RBFOX1: variants seen among roughly 807,000 people sequenced by gnomAD.
RBFOX1 encodes the protein RNA binding protein fox-1 homolog 1.
RBFOX1 carries 8 observed loss-of-function variants against 57.7 expected under a neutral mutation model. That is an observed-to-expected ratio of 0.14 (90% CI 0.08 to 0.25). RBFOX1 has a LOEUF of 0.25. Among genes scored for constraint, RBFOX1 ranks in the 10% least tolerant of loss-of-function variants. The probability of loss-of-function intolerance (pLI) is 1.00; values close to 1 mark genes in which losing one functional copy is unlikely to be tolerated. For synonymous variants in RBFOX1, 326 were observed against 222.4 expected (o/e 1.47, Z -4.15); for missense variants, 611 against 548.5 (o/e 1.11, Z -1.14).
chr16:6,239,340 C>T (rs975222761), intron 1 of RBFOX1, among the ~76,000 whole-genome samples: 2 of 152,054 alleles, frequency 1.3e-5, no homozygotes, highest in Non-Finnish European at 2.9e-5. Context: ...GAAGGGACCA[C>T]AGTGTCCAAG....
At chr16:6,286,593 T>C (rs747167337) in intron 1 of RBFOX1, among the ~76,000 whole-genome samples, 92 of 152,200 alleles carry the variant, frequency 6.0e-4, no homozygotes, top group Non-Finnish European at 1.2e-3. Context: ...TTAATAAGTG[T>C]GGTTGTTACT....
At chr16:5,676,254 A>G (rs2050166598) in intron 3 of RBFOX1, among the ~76,000 whole-genome samples, 1 of 103,852 alleles carries the variant, frequency 9.6e-6, no homozygotes, top group African/African-American at 4.8e-5. Flanking sequence ...AAGTGAAATA[A>G]AAAAAAAAAA....
intron 4 of RBFOX1, among the ~76,000 whole-genome samples, chr16:7,182,430 A>G (rs1190208024): frequency 6.6e-6 from 1 of 152,132 alleles, no homozygotes; most frequent in Non-Finnish European, 1.5e-5. Context: ...TCTTGGCTCG[A>G]AAGTTCTTAG....
In RBFOX1 at chr16:7,710,843, CTAAAAAAAAAAAAA is replaced by C; in HGVS notation, c.*99_*112del. On this transcript the variant is annotated 3_prime_UTR_variant, in exon 16 of 16. Coordinates refer to ENST00000550418, the MANE Select transcript of RBFOX1 (RefSeq NM_018723.4). ...GCAGTAGTACATCATTTTAGCAACT[CTAAAAAAAAAAAAA>C]ATACAAATAAAAAGGAAAAAAAATT... 1.3e-6 allele frequency: 1 copy of C among 759,038 alleles called. No individual in the cohort carries two copies. 47.0% of individuals were successfully genotyped at this position (759,038 alleles called of 1,614,324 possible).
intron 3 of RBFOX1, among the ~76,000 whole-genome samples, chr16:6,808,094 C>CTAGATATATATAGGA (rs1284028994): frequency 6.8e-6 from 1 of 146,200 alleles, no homozygotes; most frequent in Non-Finnish European, 1.5e-5. Flanking sequence ...CTCAATAGAA[C>CTAGATATATATAGGA]TAGATATATA....
chr16:5,999,130 A>G (rs1049958094), intron 4 of RBFOX1, among the ~76,000 whole-genome samples: 4 of 152,308 alleles, frequency 2.6e-5, no homozygotes, highest in Middle Eastern at 3.4e-3. Flanking sequence ...ATTAGTGGAA[A>G]CTTTCTGAAC....
intron 1 of RBFOX1, among the ~76,000 whole-genome samples, chr16:6,168,690 C>T (rs2096935787): frequency 6.6e-6 from 1 of 152,120 alleles, no homozygotes; most frequent in Admixed American, 6.6e-5. Context: ...TCTGCCACTC[C>T]TGGGGGAGGG....
Position 5,589,203 on chromosome 16 carries a change from C to G in RBFOX1, c.259-9699C>G, listed in dbSNP as rs138421936. Among the ~76,000 whole-genome samples the G allele has an allele frequency of 5.1e-3, 780 of 152,204 alleles. 6 individuals carry two copies. Among genetic ancestry groups the G allele is most frequent in the Middle Eastern group, 0.01 (3 of 294 alleles). ...GCCCCTATCTGCACTTGGCCACATC[C>G]CTGGTGGGTTTGTGGGGCGGTGGTG... On this transcript the variant is annotated intron_variant, in intron 2 of 2. Coordinates refer to the RBFOX1 transcript ENST00000585867.
At chr16:5,566,824 C>G (rs932865386) in intron 2 of RBFOX1, among the ~76,000 whole-genome samples, 1 of 151,976 alleles carries the variant, frequency 6.6e-6, no homozygotes, top group Non-Finnish European at 1.5e-5. Context: ...ACAGACACAC[C>G]GCATCGACTC....
Position 5,772,066 on chromosome 16 carries a change from G to A in RBFOX1, c.319-95237G>A, listed in dbSNP as rs1452995831. ...ACATGCCTGTAATCCCAGCTATTCA[G>A]GAGGCTGAGTCAGGAGAATCACTTG... On this transcript the variant is annotated intron_variant, in intron 3 of 19. Transcript: ENST00000641259. Among the ~76,000 whole-genome samples the A allele has an allele frequency of 3.9e-5, 6 of 152,170 alleles. No individual in the cohort carries two copies. The East Asian group carries it at 9.6e-4, about 24-fold the overall frequency.
At chr16:5,451,515 G>A (rs2151566512) in intron 1 of RBFOX1, among the ~76,000 whole-genome samples, 1 of 152,340 alleles carries the variant, frequency 6.6e-6, no homozygotes, top group Admixed American at 6.5e-5. Flanking sequence ...ACTAGGTGCA[G>A]GAACTTCAGA....
At chr16:6,826,333 G>A (rs1468821001) in intron 3 of RBFOX1, among the ~76,000 whole-genome samples, 1 of 152,072 alleles carries the variant, frequency 6.6e-6, no homozygotes, top group Non-Finnish European at 1.5e-5. Flanking sequence ...GGCAACATGG[G>A]GAGACCCCCT....
intron 14 of RBFOX1, among the ~76,000 whole-genome samples, chr16:7,707,294 TTTC>T (rs2082770827): frequency 1.3e-5 from 2 of 152,106 alleles, no homozygotes; most frequent in African/African-American, 4.8e-5. Context: ...ATCATCACGC[TTTC>T]TTCACCTTCT....
At chr16:7,313,475 C>CT (rs5815390) in intron 4 of RBFOX1, among the ~76,000 whole-genome samples, 109,582 of 144,198 alleles carry the variant, frequency 0.76, 41,462 homozygotes, top group East Asian at 0.9. Flanking sequence ...CTTTTCTTGT[C>CT]TTTTTTTTTT....
At chr16:7,391,715 T>G (rs1443302950) in intron 4 of RBFOX1, among the ~76,000 whole-genome samples, 1 of 152,224 alleles carries the variant, frequency 6.6e-6, no homozygotes, top group Non-Finnish European at 1.5e-5. Flanking sequence ...GAGGACCAAA[T>G]GTGTTTTTTC....
At chr16:6,588,610 C>T (rs1449709838) in intron 2 of RBFOX1, among the ~76,000 whole-genome samples, 2 of 152,266 alleles carry the variant, frequency 1.3e-5, no homozygotes, top group African/African-American at 2.4e-5. Flanking sequence ...CGAGATCATG[C>T]CACTGCACTC....
intron 10 of RBFOX1, among the ~76,000 whole-genome samples, chr16:7,630,107 C>T (rs1238123767): frequency 6.6e-6 from 1 of 151,920 alleles, no homozygotes; most frequent in East Asian, 1.9e-4. Flanking sequence ...TATTACATGC[C>T]AGCCCCTGCC....
chr16:5,782,457 C>G (rs773398834), intron 3 of RBFOX1, among the ~76,000 whole-genome samples: 1 of 152,064 alleles, frequency 6.6e-6, no homozygotes, highest in African/African-American at 2.4e-5. Context: ...TACGCATGTC[C>G]CAGAAACCAT....
intron 4 of RBFOX1, among the ~76,000 whole-genome samples, chr16:7,361,490 C>G (rs1455423121): frequency 1.3e-5 from 2 of 152,182 alleles, no homozygotes; most frequent in East Asian, 1.9e-4. Flanking sequence ...TTGACACCCT[C>G]CTAGTCCGTG....
Sources: gnomAD v4.1 joint callset for allele counts (sites outside exome capture counted in the v4.1 genomes callset) on GRCh38, gnomAD v4.1.1 for gene constraint, MANE v1.5 for transcripts, NCBI Gene and HGNC (gene_info 2026-07-23, HGNC 2026-07-21) for gene names.